ANKIB1: variants seen among roughly 807,000 people sequenced by gnomAD.
The protein encoded by ANKIB1 is ankyrin repeat and IBR domain-containing protein 1.
A neutral mutation model predicts 122.1 loss-of-function variants in ANKIB1; 43 were observed. The observed-to-expected ratio is 0.35, with a 90% CI of 0.28 to 0.45. ANKIB1 has a LOEUF of 0.45. Among genes scored for constraint, ANKIB1 ranks in the 20% least tolerant of loss-of-function variants. The pLI, the probability that ANKIB1 is intolerant of heterozygous loss-of-function variation, is 1.00. For synonymous variants in ANKIB1, 390 were observed against 442.0 expected, an observed-to-expected ratio of 0.88 and a Z score of 1.48; for missense variants, 992 against 1,329.5, an observed-to-expected ratio of 0.75 and a Z score of 3.95.
At chr7:92,262,932 G>A (rs1801595240) in intron 1 of ANKIB1, among the ~76,000 whole-genome samples, 1 of 152,070 alleles carries the variant, frequency 6.6e-6, no homozygotes, top group South Asian at 2.1e-4. Context: ...GGCCAAGGAA[G>A]GGAGGCCTAA....
intron 1 of ANKIB1, chr7:92,294,597 A>G (rs573830363): frequency 3.5e-6 from 1 of 286,488 alleles, no homozygotes; most frequent in East Asian, 5.6e-5. Context: ...CTGCCATGTG[A>G]AGAGGAAAAT....
chr7:92,387,647 A>C (rs959318860), intron 12 of ANKIB1, 151 bp from the exon 13 acceptor site: 2 of 627,762 alleles, frequency 3.2e-6, no homozygotes, highest in Non-Finnish European at 5.6e-6. Flanking sequence ...AAAAAAAAAA[A>C]ACAAGTATTG....
At chr7:92,344,195 T>G (rs1430703449) in intron 6 of ANKIB1, among the ~76,000 whole-genome samples, 4 of 47,886 alleles carry the variant, frequency 8.4e-5, no homozygotes, top group South Asian at 6.3e-4. Context: ...TGTTTTTGGT[T>G]TTTTTTTTTT....
At chr7:92,384,847 C>T (rs1200017706) in intron 11 of ANKIB1, among the ~76,000 whole-genome samples, 1 of 152,172 alleles carries the variant, frequency 6.6e-6, no homozygotes, top group Non-Finnish European at 1.5e-5. Flanking sequence ...ATGACTAAAA[C>T]ACCAAAAGCA....
chr7:92,370,719 A>C (rs964734213), intron 10 of ANKIB1, among the ~76,000 whole-genome samples: 8 of 152,074 alleles, frequency 5.3e-5, no homozygotes, highest in African/African-American at 1.9e-4. Context: ...AGTCACATCT[A>C]CCCATAAATA....
At chr7:92,319,210 C>T (rs1402599012) in intron 3 of ANKIB1, 120 bp from the exon 4 acceptor site, 7 of 568,522 alleles carry the variant, frequency 1.2e-5, no homozygotes, top group Middle Eastern at 4.7e-4. Flanking sequence ...CAAATACATA[C>T]TGTACATACT....
In ANKIB1 at chr7:92,383,697, G is replaced by T. The variant is rs62467847; in HGVS notation, c.1618-2812G>T. Among the ~76,000 whole-genome samples the T allele has an allele frequency of 3.9e-5, 6 of 152,220 alleles. No homozygotes were observed. In the East Asian group the frequency reaches 7.7e-4, roughly 20 times the overall value. On this transcript the variant is annotated intron_variant, in intron 11 of 19. Transcript: ENST00000265742. ...CTTTGACAAAATTCAACAGCCCTTTGTGCTAAAAGCTCTCAATAGTCTAGG... is the reference window on the plus strand; with the variant it reads ...CTTTGACAAAATTCAACAGCCCTTTTTGCTAAAAGCTCTCAATAGTCTAGG...
intron 4 of ANKIB1, among the ~76,000 whole-genome samples, chr7:92,324,048 C>A (rs1215544264): frequency 1.3e-5 from 2 of 152,116 alleles, no homozygotes; most frequent in African/African-American, 4.8e-5. Flanking sequence ...AACTAAAATG[C>A]CAAGAACTAG....
chr7:92,377,229 A>G (rs931444559), intron 11 of ANKIB1, among the ~76,000 whole-genome samples: 1 of 152,042 alleles, frequency 6.6e-6, no homozygotes, highest in Admixed American at 6.6e-5. Flanking sequence ...ACTACTTTTA[A>G]TATTGTTGTG....
chr7:92,251,954 C>T (rs1239288170), intron 1 of ANKIB1, among the ~76,000 whole-genome samples: 2 of 152,052 alleles, frequency 1.3e-5, no homozygotes, highest in Non-Finnish European at 2.9e-5. Context: ...CTCAGTTTTC[C>T]ATCTTTCATG....
rs911573945 is a variant in ANKIB1, at chr7:92,263,450, C to T, written c.-91+16931C>T. Among the ~76,000 whole-genome samples, 19 of 152,188 alleles carry T rather than the reference C, an allele frequency of 1.2e-4. No homozygotes were observed. In the East Asian group the frequency reaches 3.7e-3, roughly 29 times the overall value. On this transcript the variant is annotated intron_variant, in intron 1 of 19. Coordinates refer to ENST00000265742, the MANE Select transcript of ANKIB1 (RefSeq NM_019004.2). ...TTCCTTAAAACATGTCTTAACAAACCTGATATTTTGCTGGGATTTGAAGGG... is the reference window on the plus strand; with the variant it reads ...TTCCTTAAAACATGTCTTAACAAACTTGATATTTTGCTGGGATTTGAAGGG...
chr7:92,389,962 A>G lies in ANKIB1; in HGVS notation c.1907-9A>G. On this transcript the variant is annotated splice_polypyrimidine_tract_variant and intron_variant, in intron 14 of 19. Coordinates refer to ENST00000265742, the MANE Select transcript of ANKIB1 (RefSeq NM_019004.2). ...AAAACAAATTCACTGTGCCTCAATT[A>G]CTTTTTAGCTGAAGGAGGCTGTCCA... 6.3e-7 allele frequency: 1 copy of G among 1,577,066 alleles called. No homozygotes were observed. The highest frequency in any genetic ancestry group is 1.4e-5 in the African/African-American group (1 of 72,612).
At chr7:92,320,740 T>C (rs1044925210) in intron 4 of ANKIB1, among the ~76,000 whole-genome samples, 5 of 152,208 alleles carry the variant, frequency 3.3e-5, no homozygotes, top group Non-Finnish European at 5.9e-5. Context: ...GTTTCCTTAC[T>C]GGTCTTCTTC....
intron 12 of ANKIB1, 65 bp downstream of exon 12, chr7:92,386,708 T>C (rs62467849): frequency 0.12 from 164,029 of 1,345,880 alleles, 10,790 homozygotes; most frequent in Middle Eastern, 0.16. Context: ...AATTATTTTG[T>C]ATTTCTTTTT....
chr7:92,264,988 T>G (rs1434351654), intron 1 of ANKIB1, among the ~76,000 whole-genome samples: 1 of 152,218 alleles, frequency 6.6e-6, no homozygotes, highest in African/African-American at 2.4e-5. Flanking sequence ...ATTTTTTATT[T>G]TATTTTAGTG....
At chr7:92,251,492 GA>G (rs1450709583) in intron 1 of ANKIB1, among the ~76,000 whole-genome samples, 9 of 151,920 alleles carry the variant, frequency 5.9e-5, no homozygotes, top group Non-Finnish European at 1.2e-4. Context: ...ATTTTCAGAT[GA>G]AAAAAATCAT....
At chr7:92,346,255 C>T (rs1212046400) in intron 7 of ANKIB1, among the ~76,000 whole-genome samples, 1 of 152,014 alleles carries the variant, frequency 6.6e-6, no homozygotes, top group Non-Finnish European at 1.5e-5. Flanking sequence ...TCTGCCTTCC[C>T]AGTAAGCTGG....
At chr7:92,283,005 A>G (rs956753614) in intron 1 of ANKIB1, among the ~76,000 whole-genome samples, 2 of 152,202 alleles carry the variant, frequency 1.3e-5, no homozygotes, top group Non-Finnish European at 2.9e-5. Context: ...TTTTGAATAT[A>G]GCTTTTGCAG....
intron 10 of ANKIB1, among the ~76,000 whole-genome samples, chr7:92,370,372 G>C (rs1159312730): frequency 1.3e-5 from 2 of 151,672 alleles, no homozygotes; most frequent in South Asian, 4.2e-4. Flanking sequence ...GCCAGGCGTG[G>C]TGGCAGGCGC....
Sources: allele counts gnomAD v4.1 joint callset (sites outside exome capture counted in the v4.1 genomes callset), GRCh38; gene constraint gnomAD v4.1.1; transcripts MANE v1.5; gene names NCBI Gene and HGNC (gene_info 2026-07-23, HGNC 2026-07-21).